Variants in PSTPIP1 observed in about 807,000 individuals in gnomAD.
The protein encoded by PSTPIP1 is proline-serine-threonine phosphatase interacting protein 1.
PSTPIP1 carries 66 observed loss-of-function variants against 69.6 expected under a neutral mutation model. The ratio of observed to expected loss-of-function variants is 0.95; its 90% CI spans 0.78 to 1.16. The LOEUF is 1.16. Among genes scored for constraint, PSTPIP1 ranks in the 50% most tolerant of loss-of-function variants. PSTPIP1 has a pLI of 0.00. For missense variants in PSTPIP1, 603 were observed against 557.4 expected (o/e 1.08, Z -0.82); for synonymous variants, 266 against 222.7 (o/e 1.19, Z -1.73).
chr15:77,031,459 C>T (rs2076414923), intron 10 of PSTPIP1, 181 bp downstream of exon 10: 1 of 544,994 alleles, frequency 1.8e-6, no homozygotes, highest in African/African-American at 1.9e-5. Context: ...GAGCTCAGTA[C>T]CACACAGGGC....
At chr15:76,996,433 A>C (rs1170580796) in intron 1 of PSTPIP1, among the ~76,000 whole-genome samples, 1 of 151,974 alleles carries the variant, frequency 6.6e-6, no homozygotes, top group Non-Finnish European at 1.5e-5. Context: ...CTGGGGAAAA[A>C]CTGAGACCTC....
Position 77,037,214 on chromosome 15 carries a change from T to C in PSTPIP1, c.*38T>C, listed in dbSNP as rs201535027. 4.4e-3 allele frequency: 6,919 copies of C among 1,563,302 alleles called. 21 individuals carry two copies. Among genetic ancestry groups the C allele is most frequent in the Non-Finnish European group, 5.2e-3 (6,019 of 1,155,726 alleles). ...AGCCCCTTCGGACCTGCCCTGCCAGTGGAGCCAGCAGTGCCCCCAGCACTG... is the reference window on the plus strand; with the variant it reads ...AGCCCCTTCGGACCTGCCCTGCCAGCGGAGCCAGCAGTGCCCCCAGCACTG... On this transcript the variant is annotated 3_prime_UTR_variant, in exon 15 of 15. Coordinates refer to ENST00000558012, the MANE Select transcript of PSTPIP1 (RefSeq NM_003978.5).
chr15:77,005,051 T>C (rs899317105), intron 1 of PSTPIP1, among the ~76,000 whole-genome samples: 1 of 152,160 alleles, frequency 6.6e-6, no homozygotes, highest in Non-Finnish European at 1.5e-5. Flanking sequence ...TGTGGAACTT[T>C]AGCTTGAGAG....
chr15:77,032,431 G>C, intron 11 of PSTPIP1, 37 bp downstream of exon 11: 2 of 1,602,558 alleles, frequency 1.2e-6, no homozygotes, highest in African/African-American at 2.7e-5. Flanking sequence ...GCCTCTAGGT[G>C]CATTGAGCCC....
intron 1 of PSTPIP1, among the ~76,000 whole-genome samples, chr15:76,997,991 A>G (rs2075617685): frequency 6.6e-6 from 1 of 152,124 alleles, no homozygotes; most frequent in East Asian, 1.9e-4. Context: ...TAATCCCAGC[A>G]CTCTGGGAGG....
rs1174060214 is a variant in PSTPIP1 at position 77,026,126 on chromosome 15, T to A, written c.354+522T>A. ...CTCACCCATATGTAGGGCATGGCTG[T>A]CCCGAGACAGAGTGACTGCATGGAA... On this transcript the variant is annotated intron_variant, in intron 5 of 14. Coordinates refer to ENST00000558012, the MANE Select transcript of PSTPIP1 (RefSeq NM_003978.5). 1.8e-5 allele frequency: 8 copies of A among 455,954 alleles called. No individual in the cohort carries two copies. In the East Asian group the frequency reaches 4.9e-4, roughly 28 times the overall value. The allele number at this position is 455,954 out of a possible 1,614,324, so 28.2% of individuals were successfully genotyped here.
chr15:76,996,091 G>T (rs2075573787), intron 1 of PSTPIP1, among the ~76,000 whole-genome samples: 1 of 152,122 alleles, frequency 6.6e-6, no homozygotes, highest in East Asian at 1.9e-4. Flanking sequence ...ATCAGCAAGG[G>T]GATCCAAGGC....
intron 12 of PSTPIP1, among the ~76,000 whole-genome samples, chr15:77,034,244 T>G (rs1219126683): frequency 6.6e-6 from 1 of 152,038 alleles, no homozygotes. Context: ...TGCACCCCTT[T>G]CCCCCTGCCC....
chr15:77,006,905 C>G (rs1475769700), intron 1 of PSTPIP1, among the ~76,000 whole-genome samples: 1 of 152,132 alleles, frequency 6.6e-6, no homozygotes, highest in Non-Finnish European at 1.5e-5. Context: ...TCTTCTTTTT[C>G]AAGATTGTTT....
At chr15:77,029,763 T>G (rs1167518434) in intron 8 of PSTPIP1, among the ~76,000 whole-genome samples, 189 bp downstream of exon 8, 1 of 152,178 alleles carries the variant, frequency 6.6e-6, no homozygotes, top group Non-Finnish European at 1.5e-5. Context: ...TTCTTGGCGC[T>G]TCATGTGTTC....
intron 1 of PSTPIP1, among the ~76,000 whole-genome samples, chr15:77,013,797 G>A (rs1361340499): frequency 6.6e-6 from 1 of 152,224 alleles, no homozygotes; most frequent in Non-Finnish European, 1.5e-5. Flanking sequence ...AAACCCAGGT[G>A]TCCCCCTCCA....
chr15:77,026,724 T>A (rs564818445), intron 5 of PSTPIP1, among the ~76,000 whole-genome samples: 136 of 152,352 alleles, frequency 8.9e-4, no homozygotes, highest in Non-Finnish European at 1.6e-3. Context: ...TGTGGGGTTC[T>A]GAGCAGACAG....
chr15:77,025,637 C>G (rs1029675704), intron 5 of PSTPIP1, 33 bp downstream of exon 5: 1 of 1,510,410 alleles, frequency 6.6e-7, no homozygotes, highest in Admixed American at 2.0e-5. Context: ...GGGAGCTGCT[C>G]CCCCATTGCC....
chr15:77,016,030 G>A (rs926811723), intron 1 of PSTPIP1: 5 of 456,156 alleles, frequency 1.1e-5, no homozygotes, highest in South Asian at 4.6e-5. Flanking sequence ...CACTCTGGGG[G>A]CCTCCATAAG....
chr15:77,035,158 G>A lies in PSTPIP1; in HGVS notation c.930-350G>A, dbSNP rs574623147. Among the ~76,000 whole-genome samples, 24 of 152,332 alleles carry A rather than the reference G, an allele frequency of 1.6e-4. No individual in the cohort carries two copies. The South Asian group carries it at 2.9e-3, about 18-fold the overall frequency. On this transcript the variant is annotated intron_variant, in intron 12 of 14. Coordinates refer to ENST00000558012, the MANE Select transcript of PSTPIP1 (RefSeq NM_003978.5). ...GCATCTTCCCACGAGGCCTCAGTGC[G>A]GAGGTCCTAGAACCCCCAAAGGGCC... is the stretch of plus-strand genomic sequence containing the variant.
chr15:77,015,939 G>C (rs761696190), intron 1 of PSTPIP1: 3 of 456,058 alleles, frequency 6.6e-6, no homozygotes, highest in Non-Finnish European at 1.3e-5. Context: ...ACTTGAGCAC[G>C]GCGGTCACAG....
intron 1 of PSTPIP1, among the ~76,000 whole-genome samples, chr15:76,996,480 G>A (rs1350056053): frequency 2.6e-5 from 4 of 152,206 alleles, no homozygotes; most frequent in Non-Finnish European, 4.4e-5. Context: ...GTCCCGGGGT[G>A]CTGCCTCCAA....
At position 77,035,561 on chromosome 15, in the gene PSTPIP1, C is replaced by A; in HGVS notation, c.983C>A (p.Ala328Asp). The A allele has an allele frequency of 6.3e-7, 1 of 1,580,742 alleles. No homozygotes were observed. The highest frequency in any genetic ancestry group is 8.6e-7 in the Non-Finnish European group (1 of 1,163,858). Reference sequence around the variant, plus strand: ...AAGACCACTTCGTTGGCAGCTTCTGCTGGTAAAGGGGGTCAGGAGGGGACC... The same window carrying A: ...AAGACCACTTCGTTGGCAGCTTCTGATGGTAAAGGGGGTCAGGAGGGGACC... ...SPKTTSLAAS[A>D]ASTETLTPTP... The change falls in exon 13 of 15, where the codon GCT becomes GAT. Residue 328 changes from alanine (A) to aspartate (D), a missense_variant and splice_region_variant. By Grantham distance (126) the Ala-to-Asp change is moderately radical. Coordinates refer to ENST00000558012, the MANE Select transcript of PSTPIP1 (RefSeq NM_003978.5).
chr15:76,998,603 A>C (rs1199548683), intron 1 of PSTPIP1, among the ~76,000 whole-genome samples: 3 of 152,146 alleles, frequency 2.0e-5, no homozygotes, highest in Non-Finnish European at 4.4e-5. Flanking sequence ...GCGATGGATA[A>C]ATGCTGATGG....
Sources: allele counts gnomAD v4.1 joint callset (sites outside exome capture counted in the v4.1 genomes callset), GRCh38; gene constraint gnomAD v4.1.1; transcripts MANE v1.5; gene names NCBI Gene and HGNC (gene_info 2026-07-23, HGNC 2026-07-21).